The following GNPTAB variants were observed in gnomAD, a reference collection of about 807,000 sequenced individuals.
GNPTAB encodes the protein N-acetylglucosamine-1-phosphotransferase subunits alpha/beta.
Under a neutral mutation model 136.6 loss-of-function variants are expected in GNPTAB, and 92 were observed. That is an observed-to-expected ratio of 0.67 (90% CI 0.57 to 0.80). GNPTAB has a LOEUF of 0.80. Among genes scored for constraint, GNPTAB ranks in the 30% least tolerant of loss-of-function variants. The pLI, the probability that GNPTAB is intolerant of heterozygous loss-of-function variation, is 0.00. For synonymous variants in GNPTAB, 512 were observed against 535.1 expected, an observed-to-expected ratio of 0.96 and a Z score of 0.60; for missense variants, 1,343 against 1,501.8, an observed-to-expected ratio of 0.89 and a Z score of 1.75.
At chr12:101,813,729 G>T (rs1870357614) in intron 1 of GNPTAB, among the ~76,000 whole-genome samples, 1 of 152,136 alleles carries the variant, frequency 6.6e-6, no homozygotes, top group South Asian at 2.1e-4. Flanking sequence ...GCTGGGTATG[G>T]TAGCTAACAC....
At chr12:101,759,224 G>C (rs10860782) in intron 16 of GNPTAB, among the ~76,000 whole-genome samples, 1 of 151,666 alleles carries the variant, frequency 6.6e-6, no homozygotes, top group African/African-American at 2.4e-5. Context: ...TTAGCCGGGC[G>C]TGGTGGCGGG....
At chr12:101,791,460 CAA>C (rs548798010) in intron 2 of GNPTAB, among the ~76,000 whole-genome samples, 7 of 85,376 alleles carry the variant, frequency 8.2e-5, no homozygotes, top group Non-Finnish European at 8.1e-5. Flanking sequence ...GTTGATGAGC[CAA>C]AAAAAAAAAA....
At position 101,796,702 on chromosome 12, in the gene GNPTAB, T is replaced by G. The variant is rs916666251; in HGVS notation, c.178A>C (p.Ile60Leu). The change falls in exon 2 of 21, where the codon ATT (isoleucine) becomes CTT (leucine). Residue 60 changes from isoleucine to leucine, a missense_variant. Transcript: ENST00000299314. Reference sequence around the variant, plus strand: ...CGATTCTGAAAGGACTTTCCAGCAATATTGTCTCTATAGGAATCAAACAAA... The same window carrying G: ...CGATTCTGAAAGGACTTTCCAGCAAGATTGTCTCTATAGGAATCAAACAAA... ...HVLFDSYRDNIAGKSFQNRLC... is the reference protein window; with the variant it reads ...HVLFDSYRDNLAGKSFQNRLC... 6.2e-7 allele frequency: 1 copy of G among 1,611,064 alleles called. No homozygotes were observed. Among genetic ancestry groups the G allele is most frequent in the African/African-American group, 1.3e-5 (1 of 74,858 alleles).
chr12:101,754,685 C>A (rs943647696), intron 18 of GNPTAB, among the ~76,000 whole-genome samples: 1 of 151,580 alleles, frequency 6.6e-6, no homozygotes, highest in Non-Finnish European at 1.5e-5. Context: ...AACTAAGGGC[C>A]CATTAAAGTG....
intron 2 of GNPTAB, among the ~76,000 whole-genome samples, chr12:101,792,491 C>A (rs1373259690): frequency 6.6e-6 from 1 of 152,184 alleles, no homozygotes; most frequent in Non-Finnish European, 1.5e-5. Context: ...ATAATCTGCA[C>A]CTTATGTTCT....
At chr12:101,775,794 T>C (rs983693257) in intron 7 of GNPTAB, among the ~76,000 whole-genome samples, 7 of 152,022 alleles carry the variant, frequency 4.6e-5, no homozygotes, top group African/African-American at 1.4e-4. Context: ...CAAGTGCACA[T>C]AGTGGTTTCA....
chr12:101,802,057 C>T (rs905490045), intron 1 of GNPTAB, among the ~76,000 whole-genome samples: 4 of 151,228 alleles, frequency 2.6e-5, no homozygotes, highest in Non-Finnish European at 5.9e-5. Context: ...ATCAATTCGC[C>T]GGGCATGGTG....
At chr12:101,830,116 G>A (rs1011901716) in intron 1 of GNPTAB, among the ~76,000 whole-genome samples, 1 of 152,010 alleles carries the variant, frequency 6.6e-6, no homozygotes, top group Non-Finnish European at 1.5e-5. Context: ...TCTTGGGCCA[G>A]GTGCGGTAGC....
At chr12:101,750,646 A>G (rs1400555206) in intron 19 of GNPTAB, among the ~76,000 whole-genome samples, 2 of 152,210 alleles carry the variant, frequency 1.3e-5, no homozygotes, top group Non-Finnish European at 2.9e-5. Context: ...GAACCACCTA[A>G]AGATCTTTTT....
At chr12:101,765,628 T>C in intron 12 of GNPTAB, 1 of 375,366 alleles carries the variant, frequency 2.7e-6, no homozygotes, top group Non-Finnish European at 4.9e-6. Flanking sequence ...TACCATGAAA[T>C]AGTGATCCTG....
chr12:101,749,266 AC>A, intron 19 of GNPTAB, 75 bp from the exon 20 acceptor site: 1 of 853,048 alleles, frequency 1.2e-6, no homozygotes, highest in Non-Finnish European at 2.0e-6. Flanking sequence ...TTATTTATAT[AC>A]TAGTTCTATA....
intron 1 of GNPTAB, among the ~76,000 whole-genome samples, chr12:101,827,849 C>T (rs1262165727): frequency 6.6e-6 from 1 of 152,072 alleles, no homozygotes; most frequent in Non-Finnish European, 1.5e-5. Context: ...GCCTATAATC[C>T]CAGCTACTCC....
chr12:101,805,024 TCA>T (rs1478611444), intron 1 of GNPTAB, among the ~76,000 whole-genome samples: 1 of 152,148 alleles, frequency 6.6e-6, no homozygotes, highest in Non-Finnish European at 1.5e-5. Flanking sequence ...CACAAGGGGC[TCA>T]CAGACTACTG....
intron 1 of GNPTAB, among the ~76,000 whole-genome samples, chr12:101,824,260 C>T (rs1380203339): frequency 1.3e-5 from 2 of 151,436 alleles, no homozygotes; most frequent in South Asian, 2.1e-4. Context: ...GGTGGGGTTG[C>T]CAGCAGCAAT....
chr12:101,771,454 C>T (rs376884270), intron 7 of GNPTAB, among the ~76,000 whole-genome samples: 58 of 152,134 alleles, frequency 3.8e-4, no homozygotes, highest in Middle Eastern at 3.4e-3. Flanking sequence ...ATGTTGGCCA[C>T]GCTGGTCTCC....
intron 1 of GNPTAB, among the ~76,000 whole-genome samples, chr12:101,828,743 A>C (rs2137195563): frequency 1.3e-5 from 2 of 152,310 alleles, no homozygotes; most frequent in South Asian, 4.1e-4. Flanking sequence ...CTTGGTTTGA[A>C]GCCCAGCTCT....
chr12:101,766,362 GTGTGGTGGCTGACGCC>G (rs1338413366), intron 11 of GNPTAB, 68 bp from the exon 12 acceptor site: 13 of 1,382,742 alleles, frequency 9.4e-6, no homozygotes, highest in Middle Eastern at 1.8e-4. Context: ...TCTGGACTGG[GTGTGGTGGCTGACGCC>G]TGTAATCTCA....
Position 101,804,057 on chromosome 12 carries a change from C to T in GNPTAB, c.118-7295G>A, listed in dbSNP as rs191702641. Among the ~76,000 whole-genome samples, 520 of 151,938 alleles carry T rather than the reference C, an allele frequency of 3.4e-3. 4 individuals are homozygous for T. The highest frequency in any genetic ancestry group is 0.012 in the African/African-American group (490 of 41,440). Reference sequence around the variant, plus strand: ...GACCAGTCTGGGCAATATAGTAAGACCTTGTCTCTATTTAAAAAAAAAAAA... The same window carrying T: ...GACCAGTCTGGGCAATATAGTAAGATCTTGTCTCTATTTAAAAAAAAAAAA... On this transcript the variant is annotated intron_variant, in intron 1 of 20. Coordinates refer to ENST00000299314, the MANE Select transcript of GNPTAB (RefSeq NM_024312.5).
intron 1 of GNPTAB, 26 bp from the exon 2 acceptor site, chr12:101,796,788 T>A: frequency 7.0e-7 from 1 of 1,430,860 alleles, no homozygotes; most frequent in Non-Finnish European, 9.8e-7. Context: ...AGAAACGTTT[T>A]CTTCGCATCA....
Sources: gnomAD v4.1 joint callset for allele counts (sites outside exome capture counted in the v4.1 genomes callset) on GRCh38, gnomAD v4.1.1 for gene constraint, MANE v1.5 for transcripts, NCBI Gene and HGNC (gene_info 2026-07-23, HGNC 2026-07-21) for gene names.